Variants in AKR1D1 observed in about 807,000 individuals in gnomAD.
AKR1D1 encodes the protein aldo-keto reductase family 1 member D1.
AKR1D1 carries 32 observed loss-of-function variants against 42.6 expected under a neutral mutation model. The observed-to-expected ratio is 0.75, with a 90% CI of 0.57 to 1.01. The LOEUF (loss-of-function observed/expected upper bound fraction) is 1.01, where lower values mean the gene tolerates loss of function less well. Among genes scored for constraint, AKR1D1 ranks in the 50% least tolerant of loss-of-function variants. The probability of loss-of-function intolerance (pLI) is 0.00; values close to 1 mark genes in which losing one functional copy is unlikely to be tolerated. For synonymous variants in AKR1D1, 123 were observed against 135.5 expected (o/e 0.91, Z 0.64); for missense variants, 364 against 402.2 (o/e 0.91, Z 0.81).
intron 3 of AKR1D1, among the ~76,000 whole-genome samples, chr7:138,096,736 C>G (rs183066321): frequency 6.6e-6 from 1 of 152,212 alleles, no homozygotes. Context: ...TTCGTGACAT[C>G]TCATGACCCT....
intron 4 of AKR1D1, among the ~76,000 whole-genome samples, chr7:138,099,011 T>C (rs1211495810): frequency 1.3e-5 from 2 of 152,146 alleles, no homozygotes; most frequent in East Asian, 3.9e-4. Flanking sequence ...TGGCAGTTTT[T>C]TTTTCCCACC....
intron 1 of AKR1D1, among the ~76,000 whole-genome samples, chr7:138,082,472 A>G (rs1432368038): frequency 6.6e-6 from 1 of 151,968 alleles, no homozygotes; most frequent in Non-Finnish European, 1.5e-5. Context: ...GGCTCAAGCA[A>G]TCCTCCTGCC....
At chr7:138,081,568 C>T (rs1803058333) in intron 1 of AKR1D1, among the ~76,000 whole-genome samples, 1 of 116,230 alleles carries the variant, frequency 8.6e-6, no homozygotes. Context: ...TCTTGTTGCC[C>T]CGGCTGGAGT....
At chr7:138,107,627 A>G (rs1462837434) in intron 7 of AKR1D1, 47 bp downstream of exon 7, 2 of 1,603,908 alleles carry the variant, frequency 1.2e-6, no homozygotes, top group Non-Finnish European at 1.7e-6. Flanking sequence ...TATGTTTGCT[A>G]TTTTTGCTTT....
intron 8 of AKR1D1, 66 bp from the exon 9 acceptor site, chr7:138,116,554 C>A: frequency 6.5e-7 from 1 of 1,542,366 alleles, no homozygotes; most frequent in Non-Finnish European, 9.0e-7. Context: ...TCAAAGGATG[C>A]TATTGAAACA....
chr7:138,098,711 G>C (rs1035207738), intron 4 of AKR1D1, among the ~76,000 whole-genome samples: 1 of 152,122 alleles, frequency 6.6e-6, no homozygotes, highest in Non-Finnish European at 1.5e-5. Context: ...GACAACTATA[G>C]GAAAATAATA....
At chr7:138,098,922 C>G (rs539666443) in intron 4 of AKR1D1, among the ~76,000 whole-genome samples, 1 of 152,226 alleles carries the variant, frequency 6.6e-6, no homozygotes, top group Non-Finnish European at 1.5e-5. Context: ...GGTGGAAACT[C>G]AGGACTCAGT....
intron 1 of AKR1D1, among the ~76,000 whole-genome samples, chr7:138,084,319 G>A (rs990953479): frequency 6.8e-6 from 1 of 146,286 alleles, no homozygotes; most frequent in Non-Finnish European, 1.5e-5. Flanking sequence ...CTGAAGCGCA[G>A]TGGCATGATT....
chr7:138,080,360 A>G (rs7784068), intron 1 of AKR1D1, among the ~76,000 whole-genome samples: 7 of 152,140 alleles, frequency 4.6e-5, no homozygotes, highest in Non-Finnish European at 8.8e-5. Context: ...ATGAGCCACT[A>G]TGCCCAGCCC....
intron 4 of AKR1D1, among the ~76,000 whole-genome samples, chr7:138,104,714 G>C (rs1794386323): frequency 6.7e-6 from 1 of 148,446 alleles, no homozygotes; most frequent in Non-Finnish European, 1.5e-5. Context: ...CAGGTACTAT[G>C]CCATAAAAAA....
At position 138,107,848 on chromosome 7, in the gene AKR1D1, AT is replaced by A. The variant is rs560544027; in HGVS notation, c.855+278del. Among the ~76,000 whole-genome samples the A allele has an allele frequency of 9.6e-4, 144 of 149,696 alleles. 2 individuals carry two copies. The highest frequency in any genetic ancestry group is 1.5e-3 in the Non-Finnish European group (101 of 67,230). ...ATCTACTTTTTATTTTTTGTTTTAA[AT>A]TTTTTTTTTGTTTGTTTAGAGATAG... On this transcript the variant is annotated intron_variant, in intron 7 of 8. Transcript: ENST00000242375.
At chr7:138,098,711 G>A (rs1035207738) in intron 4 of AKR1D1, among the ~76,000 whole-genome samples, 1 of 152,122 alleles carries the variant, frequency 6.6e-6, no homozygotes, top group Non-Finnish European at 1.5e-5. Flanking sequence ...GACAACTATA[G>A]GAAAATAATA....
At chr7:138,092,438 C>G (rs938620660) in intron 3 of AKR1D1, among the ~76,000 whole-genome samples, 9 of 152,192 alleles carry the variant, frequency 5.9e-5, no homozygotes, top group African/African-American at 1.7e-4. Flanking sequence ...TTATGTGTTG[C>G]TTAGCAATGG....
chr7:138,105,994 C>G (rs1020209417), intron 5 of AKR1D1, among the ~76,000 whole-genome samples: 2 of 151,846 alleles, frequency 1.3e-5, no homozygotes, highest in Non-Finnish European at 2.9e-5. Context: ...CAGAAATTCA[C>G]GAAAGACAAA....
At chr7:138,112,961 A>G (rs1336424739) in intron 7 of AKR1D1, among the ~76,000 whole-genome samples, 3 of 152,132 alleles carry the variant, frequency 2.0e-5, no homozygotes, top group Non-Finnish European at 4.4e-5. Flanking sequence ...AAAATGAGAG[A>G]AAGGATTTCA....
intron 7 of AKR1D1, among the ~76,000 whole-genome samples, chr7:138,111,453 T>A (rs1174068746): frequency 6.6e-6 from 1 of 152,188 alleles, no homozygotes; most frequent in Non-Finnish European, 1.5e-5. Flanking sequence ...CATTGCTAGA[T>A]CCAGTAATTC....
At chr7:138,100,952 C>T (rs562250341) in intron 4 of AKR1D1, among the ~76,000 whole-genome samples, 3 of 152,092 alleles carry the variant, frequency 2.0e-5, no homozygotes, top group Middle Eastern at 3.4e-3. Context: ...GATCCACCCT[C>T]CTCCGCCTCT....
intron 1 of AKR1D1, among the ~76,000 whole-genome samples, chr7:138,077,212 T>C (rs1334137512): frequency 6.6e-6 from 1 of 152,108 alleles, no homozygotes; most frequent in African/African-American, 2.4e-5. Context: ...AGAGACTGGG[T>C]AATTTATAAA....
At chr7:138,114,322 T>G (rs973206824) in intron 8 of AKR1D1, among the ~76,000 whole-genome samples, 26 of 152,320 alleles carry the variant, frequency 1.7e-4, no homozygotes, top group African/African-American at 6.3e-4. Context: ...CAAGTTCAGC[T>G]AACCAACTGA....
Sources: allele counts gnomAD v4.1 joint callset (sites outside exome capture counted in the v4.1 genomes callset), GRCh38; gene constraint gnomAD v4.1.1; transcripts MANE v1.5; gene names NCBI Gene and HGNC (gene_info 2026-07-23, HGNC 2026-07-21).